FAM241A: variants seen among roughly 807,000 people sequenced by gnomAD.
FAM241A encodes the protein family with sequence similarity 241 member A.
Under a neutral mutation model 12.2 loss-of-function variants are expected in FAM241A, and 7 were observed. That is an observed-to-expected ratio of 0.58 (90% CI 0.33 to 1.08). The LOEUF is 1.08. FAM241A is among the 50% of genes least tolerant of loss of function. The probability of loss-of-function intolerance (pLI) is 0.04; values close to 1 mark genes in which losing one functional copy is unlikely to be tolerated. For missense variants in FAM241A, 161 were observed against 169.7 expected, an observed-to-expected ratio of 0.95 and a Z score of 0.29; for synonymous variants, 74 against 68.2, an observed-to-expected ratio of 1.08 and a Z score of -0.42.
Position 112,190,021 on chromosome 4 carries a change from G to A in FAM241A, c.*3083G>A, listed in dbSNP as rs1724132129. 7.1e-6 allele frequency: 1 copy of A among 140,758 alleles called. No individual in the cohort carries two copies. Among genetic ancestry groups the A allele is most frequent in the East Asian group, 2.0e-4 (1 of 5,050 alleles). 8.7% of individuals were successfully genotyped at this position (140,758 alleles called of 1,614,324 possible). On this transcript the variant is annotated 3_prime_UTR_variant, in exon 2 of 2. Transcript: ENST00000309733. ...CATCGACCCACCCAAAACTGAATCTGGCTCTTTCCCTTGTGGGTATTATGG... is the reference window on the plus strand; with the variant it reads ...CATCGACCCACCCAAAACTGAATCTAGCTCTTTCCCTTGTGGGTATTATGG...
intron 1 of FAM241A, among the ~76,000 whole-genome samples, chr4:112,163,702 C>T (rs549486303): frequency 3.9e-5 from 6 of 152,322 alleles, no homozygotes; most frequent in South Asian, 2.1e-4. Context: ...AACACTTTTC[C>T]GCTGTTGGTT....
intron 1 of FAM241A, among the ~76,000 whole-genome samples, chr4:112,163,607 T>C (rs1169345056): frequency 6.6e-6 from 1 of 152,076 alleles, no homozygotes. Context: ...AAAACCACAA[T>C]GAGATACCAT....
intron 1 of FAM241A, among the ~76,000 whole-genome samples, chr4:112,157,747 A>C (rs1490623353): frequency 1.3e-5 from 2 of 152,084 alleles, no homozygotes; most frequent in African/African-American, 4.8e-5. Context: ...ACTTCCAAAA[A>C]ATTTTGGTGA....
At chr4:112,147,226 G>C (rs541980316) in intron 1 of FAM241A, among the ~76,000 whole-genome samples, 2 of 152,326 alleles carry the variant, frequency 1.3e-5, no homozygotes, top group African/African-American at 4.8e-5. Flanking sequence ...GTACATCTTA[G>C]AAAACATATC....
chr4:112,168,581 T>C (rs762992008), intron 1 of FAM241A, among the ~76,000 whole-genome samples: 12 of 152,194 alleles, frequency 7.9e-5, no homozygotes, highest in Non-Finnish European at 1.6e-4. Context: ...GAGACAAAAT[T>C]CCATTATAGA....
At chr4:112,178,372 T>G (rs1205360808) in intron 1 of FAM241A, among the ~76,000 whole-genome samples, 1 of 152,204 alleles carries the variant, frequency 6.6e-6, no homozygotes, top group East Asian at 1.9e-4. Flanking sequence ...GACTTAATTC[T>G]TGTATATGGT....
chr4:112,155,917 C>G (rs1022197668), intron 1 of FAM241A, among the ~76,000 whole-genome samples: 3 of 152,088 alleles, frequency 2.0e-5, no homozygotes, highest in African/African-American at 7.2e-5. Context: ...ATTATTGCCC[C>G]TACTTTAAGA....
At chr4:112,166,577 G>A (rs1053365274) in intron 1 of FAM241A, among the ~76,000 whole-genome samples, 6 of 152,034 alleles carry the variant, frequency 3.9e-5, no homozygotes, top group African/African-American at 1.4e-4. Flanking sequence ...CTGTACCACA[G>A]TTTATTGGAA....
At chr4:112,162,862 A>C (rs374456188) in intron 1 of FAM241A, among the ~76,000 whole-genome samples, 4 of 152,234 alleles carry the variant, frequency 2.6e-5, no homozygotes, top group East Asian at 1.9e-4. Context: ...AGACAATCCT[A>C]AGCCAAAAGA....
chr4:112,168,602 A>C (rs1467695237), intron 1 of FAM241A, among the ~76,000 whole-genome samples: 1 of 152,202 alleles, frequency 6.6e-6, no homozygotes, highest in Non-Finnish European at 1.5e-5. Context: ...TCTTACTAAG[A>C]AATTATTGAT....
chr4:112,153,586 G>A (rs79300264), intron 1 of FAM241A, among the ~76,000 whole-genome samples: 13,605 of 152,092 alleles, frequency 0.089, 738 homozygotes, highest in African/African-American at 0.14. Context: ...CAGATAAACC[G>A]AGTTTCTAAC....
At chr4:112,160,602 A>G (rs1723444903) in intron 1 of FAM241A, among the ~76,000 whole-genome samples, 1 of 152,208 alleles carries the variant, frequency 6.6e-6, no homozygotes, top group Non-Finnish European at 1.5e-5. Context: ...AGCCAAAGCT[A>G]TCCTGAGCAA....
intron 1 of FAM241A, among the ~76,000 whole-genome samples, chr4:112,180,417 C>T (rs1240137079): frequency 1.3e-5 from 2 of 152,042 alleles, no homozygotes; most frequent in Admixed American, 6.6e-5. Context: ...TTTGAGGCCC[C>T]TAATTTTGTG....
chr4:112,150,340 G>A (rs1723222879), intron 1 of FAM241A, among the ~76,000 whole-genome samples: 1 of 152,032 alleles, frequency 6.6e-6, no homozygotes, highest in African/African-American at 2.4e-5. Flanking sequence ...TGGCTTTTAT[G>A]TATTTCATTT....
intron 1 of FAM241A, among the ~76,000 whole-genome samples, chr4:112,166,044 G>GA (rs1239485460): frequency 1.4e-5 from 2 of 146,572 alleles, no homozygotes; most frequent in Admixed American, 7.0e-5. Flanking sequence ...TATGTACTCA[G>GA]AATTTTTTTT....
At chr4:112,161,510 C>A (rs746767925) in intron 1 of FAM241A, among the ~76,000 whole-genome samples, 1 of 152,126 alleles carries the variant, frequency 6.6e-6, no homozygotes, top group Non-Finnish European at 1.5e-5. Context: ...TACAAACTAC[C>A]ATCAGAGAAT....
intron 1 of FAM241A, among the ~76,000 whole-genome samples, chr4:112,146,611 G>C (rs1289141994): frequency 1.3e-5 from 2 of 152,230 alleles, no homozygotes; most frequent in African/African-American, 4.8e-5. Flanking sequence ...GAATTCAAAT[G>C]ATTATTGGCC....
chr4:112,159,404 C>A (rs555758530), intron 1 of FAM241A, among the ~76,000 whole-genome samples: 1 of 152,112 alleles, frequency 6.6e-6, no homozygotes, highest in Non-Finnish European at 1.5e-5. Flanking sequence ...TAACTATGGA[C>A]TTATTTCAGT....
At position 112,145,771 on chromosome 4, in the gene FAM241A, C is replaced by A. The variant is rs915753163; in HGVS notation, c.153+38C>A. The A allele has an allele frequency of 2.0e-5, 16 of 819,432 alleles. No homozygotes were observed. In the African/African-American group the frequency reaches 2.2e-4, roughly 12 times the overall value. 50.8% of individuals were successfully genotyped at this position (819,432 alleles called of 1,614,324 possible). ...AGGGGCGGCGGCGAAGCGGCCGGGT[C>A]GGGGGCCGCGAGCCCCGCCCGGCGT... is the stretch of plus-strand genomic sequence containing the variant. On this transcript the variant is annotated intron_variant, in intron 1 of 1. Transcript: ENST00000309733.
Sources: allele counts gnomAD v4.1 joint callset (sites outside exome capture counted in the v4.1 genomes callset), GRCh38; gene constraint gnomAD v4.1.1; transcripts MANE v1.5; gene names NCBI Gene and HGNC (gene_info 2026-07-23, HGNC 2026-07-21).